MSL2: variants seen among roughly 807,000 people sequenced by gnomAD.
MSL2 encodes MSL complex subunit 2.
In MSL2, 2 loss-of-function variants were observed where a neutral mutation model predicts 35.8. The ratio of observed to expected loss-of-function variants is 0.06; its 90% CI spans 0.02 to 0.18. The LOEUF (loss-of-function observed/expected upper bound fraction) is 0.18. Among genes scored for constraint, MSL2 ranks in the 10% least tolerant of loss-of-function variants. The pLI is 1.00. For missense variants in MSL2, 523 were observed against 706.7 expected, an observed-to-expected ratio of 0.74 and a Z score of 2.95; for synonymous variants, 296 against 255.7, an observed-to-expected ratio of 1.16 and a Z score of -1.50.
intron 1 of MSL2, among the ~76,000 whole-genome samples, chr3:136,181,540 T>C (rs1244171827): frequency 2.6e-5 from 4 of 152,158 alleles, no homozygotes; most frequent in Non-Finnish European, 4.4e-5. Flanking sequence ...TGGGCCCGAT[T>C]ACTAAGGTGA....
chr3:136,163,901 A>G (rs1939772780), intron 1 of MSL2, among the ~76,000 whole-genome samples: 1 of 152,164 alleles, frequency 6.6e-6, no homozygotes, highest in Non-Finnish European at 1.5e-5. Flanking sequence ...TTCCACCAAG[A>G]TTGTTAAGTT....
chr3:136,159,163 G>A (rs569758846), intron 1 of MSL2, among the ~76,000 whole-genome samples: 1 of 152,062 alleles, frequency 6.6e-6, no homozygotes, highest in South Asian at 2.1e-4. Context: ...AAAATTACAG[G>A]ACTTACACTA....
intron 1 of MSL2, among the ~76,000 whole-genome samples, chr3:136,157,956 T>G (rs945966433): frequency 2.6e-5 from 4 of 152,164 alleles, no homozygotes; most frequent in Non-Finnish European, 4.4e-5. Flanking sequence ...GAGAAAACAC[T>G]TCCCAACTCA....
At chr3:136,167,479 C>A (rs1344145848) in intron 1 of MSL2, among the ~76,000 whole-genome samples, 2 of 152,180 alleles carry the variant, frequency 1.3e-5, no homozygotes, top group South Asian at 2.1e-4. Flanking sequence ...GTATTTACCA[C>A]CAGCCTCTCT....
At chr3:136,194,636 A>T (rs1023819600) in intron 1 of MSL2, 3 of 287,134 alleles carry the variant, frequency 1.0e-5, no homozygotes, top group East Asian at 1.4e-4. Flanking sequence ...GTAGGTACGT[A>T]ATCAGCTCCC....
intron 1 of MSL2, among the ~76,000 whole-genome samples, chr3:136,182,638 G>A (rs957018611): frequency 6.6e-6 from 1 of 151,574 alleles, no homozygotes; most frequent in Admixed American, 6.6e-5. Context: ...GAAGCACAGA[G>A]ATGAGAGAGC....
At chr3:136,163,077 G>C (rs1242916597) in intron 1 of MSL2, among the ~76,000 whole-genome samples, 1 of 151,798 alleles carries the variant, frequency 6.6e-6, no homozygotes, top group Non-Finnish European at 1.5e-5. Flanking sequence ...GGTGAACATG[G>C]TGAAACCCCG....
chr3:136,183,431 GT>G (rs201934743), intron 1 of MSL2, among the ~76,000 whole-genome samples: 1 of 150,714 alleles, frequency 6.6e-6, no homozygotes. Flanking sequence ...TTGTTTTTTG[GT>G]TTTTTTTTGA....
chr3:136,182,654 A>G (rs58297942), intron 1 of MSL2, among the ~76,000 whole-genome samples: 1 of 151,860 alleles, frequency 6.6e-6, no homozygotes, highest in African/African-American at 2.4e-5. Context: ...AGAGCTGCAC[A>G]GAGAAAGAGG....
chr3:136,169,948 C>T (rs188410107), intron 1 of MSL2, among the ~76,000 whole-genome samples: 5 of 151,284 alleles, frequency 3.3e-5, no homozygotes, highest in Non-Finnish European at 7.4e-5. Flanking sequence ...CCCAGTTACT[C>T]GGGCTGAGGC....
chr3:136,162,290 G>A (rs1939729926), intron 1 of MSL2, among the ~76,000 whole-genome samples: 3 of 144,916 alleles, frequency 2.1e-5, no homozygotes, highest in Admixed American at 6.9e-5. Context: ...AAAAAAAAAA[G>A]AGGGCTACCA....
chr3:136,185,550 G>T (rs1940496369), intron 1 of MSL2, among the ~76,000 whole-genome samples: 1 of 138,716 alleles, frequency 7.2e-6, no homozygotes, highest in Non-Finnish European at 1.6e-5. Context: ...AGGGGGGGGT[G>T]GGGGAAGGGA....
intron 1 of MSL2, among the ~76,000 whole-genome samples, chr3:136,170,927 T>C (rs754239508): frequency 2.0e-5 from 3 of 152,112 alleles, no homozygotes; most frequent in Non-Finnish European, 4.4e-5. Flanking sequence ...ACCCTAACAA[T>C]GATGGGAGGG....
intron 1 of MSL2, among the ~76,000 whole-genome samples, chr3:136,180,767 AG>A (rs1940321234): frequency 3.0e-5 from 1 of 33,654 alleles, no homozygotes; most frequent in Non-Finnish European, 5.4e-5. Context: ...GGAAGGAGGG[AG>A]GGAGGGAGGG....
intron 1 of MSL2, among the ~76,000 whole-genome samples, chr3:136,193,469 T>C (rs560123224): frequency 2.4e-4 from 36 of 150,566 alleles, no homozygotes; most frequent in African/African-American, 8.3e-4. Flanking sequence ...TACCTCACCA[T>C]AGTAGCACCC....
chr3:136,161,174 C>G (rs574077871), intron 1 of MSL2, among the ~76,000 whole-genome samples: 1 of 152,300 alleles, frequency 6.6e-6, no homozygotes, highest in African/African-American at 2.4e-5. Context: ...CACTACTGCC[C>G]ACCCATTAGA....
chr3:136,184,454 T>A (rs1228856096), intron 1 of MSL2, among the ~76,000 whole-genome samples: 2 of 150,486 alleles, frequency 1.3e-5, no homozygotes, highest in East Asian at 2.0e-4. Context: ...CAAAAAAAAA[T>A]GAGCTGGGCA....
At chr3:136,180,729 AAAG>A (rs1268458620) in intron 1 of MSL2, among the ~76,000 whole-genome samples, 3 of 137,904 alleles carry the variant, frequency 2.2e-5, no homozygotes, top group African/African-American at 8.0e-5. Context: ...AAAGAAAAGA[AAAG>A]AAGAGGAGGA....
intron 1 of MSL2, among the ~76,000 whole-genome samples, chr3:136,174,541 G>A (rs769469440): frequency 1.1e-4 from 16 of 152,216 alleles, no homozygotes; most frequent in Middle Eastern, 3.2e-3. Context: ...AACAGGTACT[G>A]GCAATAATGG....
Sources: gnomAD v4.1 joint callset for allele counts (sites outside exome capture counted in the v4.1 genomes callset) on GRCh38, gnomAD v4.1.1 for gene constraint, MANE v1.5 for transcripts, NCBI Gene and HGNC (gene_info 2026-07-23, HGNC 2026-07-21) for gene names.